Variants in TANC2 observed in about 807,000 individuals in gnomAD.
TANC2 encodes tetratricopeptide repeat, ankyrin repeat and coiled-coil containing 2, also known as protein TANC2.
In TANC2, 26 loss-of-function variants were observed where a neutral mutation model predicts 210.5. The ratio of observed to expected loss-of-function variants is 0.12; its 90% CI spans 0.09 to 0.17. The LOEUF is 0.17. TANC2 is among the 10% of genes least tolerant of loss of function. TANC2 has a pLI of 1.00. For synonymous variants in TANC2, 931 were observed against 967.1 expected (o/e 0.96, Z 0.69); for missense variants, 2,129 against 2,608.9 (o/e 0.82, Z 4.01).
intron 14 of TANC2, among the ~76,000 whole-genome samples, chr17:63,370,164 C>T (rs754416648): frequency 6.6e-6 from 1 of 151,342 alleles, no homozygotes; most frequent in Non-Finnish European, 1.5e-5. Flanking sequence ...GTTCCTTAGT[C>T]CTCCTTTCTT....
chr17:63,117,576 T>C (rs1478507545), intron 4 of TANC2, among the ~76,000 whole-genome samples: 1 of 152,226 alleles, frequency 6.6e-6, no homozygotes, highest in Non-Finnish European at 1.5e-5. Flanking sequence ...CAACATCTGC[T>C]ATAAGAAGTA....
At chr17:63,150,131 C>A (rs1248524566) in intron 4 of TANC2, 6 of 152,100 alleles carry the variant, frequency 3.9e-5, no homozygotes, top group Non-Finnish European at 7.4e-5. Flanking sequence ...AACGTAGAAT[C>A]TCTTGTGGGT....
chr17:63,411,989 G>A lies in TANC2; in HGVS notation c.3766-9G>A, dbSNP rs770234852. The A allele has an allele frequency of 1.1e-5, 17 of 1,613,690 alleles. No homozygotes were observed. The East Asian group carries it at 1.8e-4, about 17-fold the overall frequency. ...CTGTCCTAACTTCTCTGCTTGATCC[G>A]TGTCCTAGGTCCAGTTCCTGGTAGA... On this transcript the variant is annotated splice_polypyrimidine_tract_variant and intron_variant, in intron 22 of 27. Transcript: ENST00000689528.
At chr17:63,267,594 G>T (rs1332432307) in intron 8 of TANC2, among the ~76,000 whole-genome samples, 154 bp from the exon 9 acceptor site, 1 of 152,022 alleles carries the variant, frequency 6.6e-6, no homozygotes, top group African/African-American at 2.4e-5. Context: ...GATTTTTAAA[G>T]GCATAAAATA....
chr17:63,258,528 A>G (rs2043264059), intron 8 of TANC2, among the ~76,000 whole-genome samples: 1 of 151,470 alleles, frequency 6.6e-6, no homozygotes, highest in Non-Finnish European at 1.5e-5. Context: ...TTGGTGTTCC[A>G]TACTAGTGCA....
chr17:63,211,299 C>T (rs1027053084), intron 7 of TANC2, among the ~76,000 whole-genome samples: 4 of 152,056 alleles, frequency 2.6e-5, no homozygotes, highest in Non-Finnish European at 5.9e-5. Context: ...TTTTGTAGAT[C>T]GATAGGCTTC....
intron 1 of TANC2, among the ~76,000 whole-genome samples, chr17:62,996,601 C>T (rs896627431): frequency 2.6e-5 from 4 of 152,066 alleles, no homozygotes; most frequent in South Asian, 2.1e-4. Context: ...CAATTAAACT[C>T]GTTTAAATTT....
intron 7 of TANC2, among the ~76,000 whole-genome samples, chr17:63,228,433 G>T (rs1000382053): frequency 1.3e-5 from 2 of 152,146 alleles, no homozygotes; most frequent in East Asian, 3.8e-4. Flanking sequence ...GGTTCCATAT[G>T]AATTTTAAAG....
At chr17:63,042,872 C>T (rs879335564) in intron 2 of TANC2, among the ~76,000 whole-genome samples, 1 of 151,928 alleles carries the variant, frequency 6.6e-6, no homozygotes, top group Non-Finnish European at 1.5e-5. Flanking sequence ...ATTTTTTAAT[C>T]TTCTAGACTA....
At chr17:63,283,858 T>G (rs1482312597) in intron 9 of TANC2, among the ~76,000 whole-genome samples, 3 of 152,034 alleles carry the variant, frequency 2.0e-5, no homozygotes, top group Admixed American at 6.5e-5. Context: ...CTAAACTCAC[T>G]TATGAGTTCT....
intron 8 of TANC2, among the ~76,000 whole-genome samples, chr17:63,242,466 G>C (rs1312719153): frequency 6.6e-6 from 1 of 151,754 alleles, no homozygotes; most frequent in Non-Finnish European, 1.5e-5. Context: ...CTGTATCTGT[G>C]GTTCCATATC....
intron 11 of TANC2, chr17:63,332,105 A>G: frequency 2.9e-6 from 1 of 350,400 alleles, no homozygotes; most frequent in Non-Finnish European, 5.6e-6. Flanking sequence ...TTACCGAGGT[A>G]CCACAGGAGA....
chr17:63,321,387 T>G lies in TANC2; in HGVS notation c.1575+2297T>G, dbSNP rs372036927. Reference sequence around the variant, plus strand: ...TTTAATGTGTAACAGTTCTTCCTTTTCTCCAGCTGTCTCCTTCTTTTTATA... The same window carrying G: ...TTTAATGTGTAACAGTTCTTCCTTTGCTCCAGCTGTCTCCTTCTTTTTATA... On this transcript the variant is annotated intron_variant, in intron 11 of 27. Coordinates refer to ENST00000689528, the Ensembl canonical transcript of TANC2. Among the ~76,000 whole-genome samples, 31 of 152,304 alleles carry G rather than the reference T, an allele frequency of 2.0e-4. No homozygotes were observed. In the East Asian group the frequency reaches 6.0e-3, roughly 29 times the overall value.
At chr17:63,208,545 A>G (rs1172206689) in intron 7 of TANC2, among the ~76,000 whole-genome samples, 1 of 152,240 alleles carries the variant, frequency 6.6e-6, no homozygotes, top group Non-Finnish European at 1.5e-5. Flanking sequence ...TGCCAAATTC[A>G]TGAAGAACCC....
intron 1 of TANC2, chr17:62,967,535 C>T (rs1046537540): frequency 6.6e-6 from 1 of 152,160 alleles, no homozygotes; most frequent in Non-Finnish European, 1.5e-5. Flanking sequence ...GGGTGTCTTT[C>T]ACTCTCTTCT....
intron 7 of TANC2, among the ~76,000 whole-genome samples, chr17:63,228,782 T>TATCCTGAGAC (rs2042393982): frequency 1.3e-5 from 2 of 152,348 alleles, no homozygotes; most frequent in South Asian, 4.1e-4. Flanking sequence ...ATTGATTTTA[T>TATCCTGAGAC]ATCCTGAGAC....
chr17:63,411,234 C>T (rs550515308), intron 21 of TANC2, among the ~76,000 whole-genome samples: 2 of 152,208 alleles, frequency 1.3e-5, no homozygotes, highest in South Asian at 2.1e-4. Context: ...GGAGGATTCT[C>T]ACAGGGGAAT....
intron 2 of TANC2, among the ~76,000 whole-genome samples, chr17:63,014,942 AAG>A (rs531587290): frequency 7.1e-4 from 108 of 152,284 alleles, no homozygotes; most frequent in African/African-American, 2.5e-3. Flanking sequence ...TTTTCATACT[AAG>A]AGATTATTCC....
At chr17:63,286,995 G>A (rs117845317) in intron 9 of TANC2, among the ~76,000 whole-genome samples, 22,790 of 151,992 alleles carry the variant, frequency 0.15, 2,030 homozygotes, top group Middle Eastern at 0.21. Flanking sequence ...GTACAGTGGC[G>A]CAATCTTGGC....
Sources: allele counts gnomAD v4.1 joint callset (sites outside exome capture counted in the v4.1 genomes callset), GRCh38; gene constraint gnomAD v4.1.1; transcripts MANE v1.5; gene names NCBI Gene and HGNC (gene_info 2026-07-23, HGNC 2026-07-21).